TNPO1: variants seen among roughly 807,000 people sequenced by gnomAD.
TNPO1 encodes the protein transportin-1.
A neutral mutation model predicts 119.5 loss-of-function variants in TNPO1; 8 were observed. The ratio of observed to expected loss-of-function variants is 0.07; its 90% confidence interval spans 0.04 to 0.12. The LOEUF (loss-of-function observed/expected upper bound fraction) is 0.12, where lower values mean the gene tolerates loss of function less well. Ranked by LOEUF, TNPO1 falls within the 10% of genes least tolerant of loss-of-function variation. The pLI, the probability that TNPO1 is intolerant of heterozygous loss-of-function variation, is 1.00. For missense variants in TNPO1, 576 were observed against 1,089.8 expected (o/e 0.53, Z 6.64); for synonymous variants, 362 against 363.0 (o/e 1.00, Z 0.03).
At position 72,914,136 on chromosome 5, in the gene TNPO1, A is replaced by G. The variant is rs1050912846; in HGVS notation, c.*5463A>G. On this transcript the variant is annotated 3_prime_UTR_variant, in exon 25 of 25. Coordinates refer to ENST00000337273, the MANE Select transcript of TNPO1 (RefSeq NM_002270.4). Reference sequence around the variant, plus strand: ...AAACATATCCTCCTGCAACTTCTCAAACTGTACTAAATTGATATTTCTTGA... The same window carrying G: ...AAACATATCCTCCTGCAACTTCTCAGACTGTACTAAATTGATATTTCTTGA... The G allele has an allele frequency of 6.6e-6, 1 of 152,614 alleles. No individual in the cohort carries two copies. Among genetic ancestry groups the G allele is most frequent in the African/African-American group, 2.4e-5 (1 of 41,460 alleles). The allele number at this position is 152,614 out of a possible 1,614,324, so 9.5% of individuals were successfully genotyped here.
At chr5:72,832,370 CT>C (rs1046883014) in intron 1 of TNPO1, among the ~76,000 whole-genome samples, 6 of 152,112 alleles carry the variant, frequency 3.9e-5, no homozygotes, top group Non-Finnish European at 8.8e-5. Context: ...GTATTTCCTC[CT>C]GTGAATTTTC....
At chr5:72,855,678 C>A in intron 3 of TNPO1, 96 bp from the exon 4 acceptor site, 1 of 1,019,918 alleles carries the variant, frequency 9.8e-7, no homozygotes, top group Non-Finnish European at 1.4e-6. Flanking sequence ...GTTTGAATGT[C>A]AATCAACTTT....
At chr5:72,823,749 G>T (rs1333354098) in intron 1 of TNPO1, among the ~76,000 whole-genome samples, 1 of 151,606 alleles carries the variant, frequency 6.6e-6, no homozygotes, top group Admixed American at 6.6e-5. Context: ...AAACTCTGGG[G>T]TTTTTTTTGC....
chr5:72,886,342 T>C (rs760958118), intron 11 of TNPO1, among the ~76,000 whole-genome samples: 3 of 152,200 alleles, frequency 2.0e-5, no homozygotes, highest in Non-Finnish European at 4.4e-5. Flanking sequence ...ATTGTCTGTT[T>C]AATTCTAGAT....
At chr5:72,900,651 G>A (rs1749737289) in intron 21 of TNPO1, among the ~76,000 whole-genome samples, 1 of 152,104 alleles carries the variant, frequency 6.6e-6, no homozygotes, top group African/African-American at 2.4e-5. Context: ...CAAGTCATGA[G>A]TACAATTTTA....
Position 72,882,450 on chromosome 5 carries a change from A to C in TNPO1, c.921-17A>C, listed in dbSNP as rs770644703. ...GAGATCTTAAGGTCTTTGTTTCATG[A>C]ATTTCTTTCTTTATAGGTTGATTCC... On this transcript the variant is annotated splice_polypyrimidine_tract_variant and intron_variant, in intron 9 of 24. Coordinates refer to ENST00000337273, the MANE Select transcript of TNPO1 (RefSeq NM_002270.4). 2.5e-6 allele frequency: 4 copies of C among 1,594,898 alleles called. No individual in the cohort carries two copies. Among genetic ancestry groups the C allele is most frequent in the East Asian group, 2.2e-5 (1 of 44,552 alleles).
intron 12 of TNPO1, 46 bp from the exon 13 acceptor site, chr5:72,888,032 A>G: frequency 1.3e-6 from 2 of 1,564,444 alleles, no homozygotes; most frequent in East Asian, 4.5e-5. Context: ...AACCAAAATA[A>G]TGTTAACTAA....
rs868732993 is a variant in TNPO1, at chr5:72,909,152, A to G, written c.*479A>G. The G allele has an allele frequency of 1.4e-4, 21 of 151,742 alleles. No individual in the cohort carries two copies. Among genetic ancestry groups the G allele is most frequent in the Middle Eastern group, 6.7e-3 (2 of 300 alleles). 9.4% of individuals were successfully genotyped at this position (151,742 alleles called of 1,614,324 possible). The stretch of plus-strand genomic sequence containing the variant: ...TTTTTTTTTAATTTAAAGTTTTTTT[A>G]TGTAAGTTTTCCCACATGATGGGGC... On this transcript the variant is annotated 3_prime_UTR_variant, in exon 25 of 25. Transcript: ENST00000337273.
At chr5:72,851,154 A>G (rs1407323915) in intron 2 of TNPO1, 90 bp from the exon 3 acceptor site, 1 of 797,300 alleles carries the variant, frequency 1.3e-6, no homozygotes, top group African/African-American at 1.8e-5. Flanking sequence ...TGAAAATACC[A>G]CCAAAGAGAT....
chr5:72,900,485 GTA>G (rs924042233), intron 21 of TNPO1, among the ~76,000 whole-genome samples: 2 of 152,034 alleles, frequency 1.3e-5, no homozygotes, highest in African/African-American at 4.8e-5. Context: ...AATTTGTTAT[GTA>G]TAAAAATATT....
intron 6 of TNPO1, among the ~76,000 whole-genome samples, chr5:72,870,324 A>G (rs2112357098): frequency 6.8e-6 from 1 of 147,920 alleles, no homozygotes; most frequent in East Asian, 2.2e-4. Flanking sequence ...CATCACTCCC[A>G]GCTAATTTTT....
chr5:72,913,362 T>C lies in TNPO1; in HGVS notation c.*4689T>C, dbSNP rs1459413291. On this transcript the variant is annotated 3_prime_UTR_variant, in exon 25 of 25. Transcript: ENST00000337273. ...GTAGATAATTCTTTATGCCTAGTTATTATACATATTAATTTTTAAGGTATA... is the reference window on the plus strand; with the variant it reads ...GTAGATAATTCTTTATGCCTAGTTACTATACATATTAATTTTTAAGGTATA... The C allele has an allele frequency of 6.6e-6, 1 of 152,412 alleles. No homozygotes were observed. Among genetic ancestry groups the C allele is most frequent in the Non-Finnish European group, 1.5e-5 (1 of 67,932 alleles). 9.4% of individuals were successfully genotyped at this position (152,412 alleles called of 1,614,324 possible).
intron 1 of TNPO1, 83 bp from the exon 2 acceptor site, chr5:72,848,302 C>G: frequency 7.1e-7 from 1 of 1,405,288 alleles, no homozygotes; most frequent in Non-Finnish European, 9.4e-7. Context: ...GAGAACGGGT[C>G]AGCTGCGCGC....
At chr5:72,857,117 C>A (rs569886535) in intron 4 of TNPO1, among the ~76,000 whole-genome samples, 3 of 151,914 alleles carry the variant, frequency 2.0e-5, no homozygotes, top group Admixed American at 6.6e-5. Context: ...GTCAGGAGTT[C>A]GAGACCAGCC....
intron 9 of TNPO1, among the ~76,000 whole-genome samples, chr5:72,878,119 C>G (rs1348288067): frequency 6.6e-6 from 1 of 152,046 alleles, no homozygotes; most frequent in African/African-American, 2.4e-5. Flanking sequence ...ACCATATTTA[C>G]ATAAATGACG....
chr5:72,851,877 T>A (rs1388962435), intron 3 of TNPO1, among the ~76,000 whole-genome samples: 1 of 152,250 alleles, frequency 6.6e-6, no homozygotes, highest in Non-Finnish European at 1.5e-5. Flanking sequence ...TCTACTTTAA[T>A]GTTTTGCTTT....
rs1750737099 is a variant in TNPO1, at chr5:72,914,157, C to T, written c.*5484C>T. 6.6e-6 allele frequency: 1 copy of T among 152,570 alleles called. No homozygotes were observed. The highest frequency in any genetic ancestry group is 2.4e-5 in the African/African-American group (1 of 41,450). The allele number at this position is 152,570 out of a possible 1,614,324, so 9.5% of individuals were successfully genotyped here. The stretch of plus-strand genomic sequence containing the variant: ...CTCAAACTGTACTAAATTGATATTT[C>T]TTGAAGTCTAACTCTGTGCTAACAG... On this transcript the variant is annotated 3_prime_UTR_variant, in exon 25 of 25. Coordinates refer to ENST00000337273, the MANE Select transcript of TNPO1 (RefSeq NM_002270.4).
intron 6 of TNPO1, among the ~76,000 whole-genome samples, chr5:72,867,364 A>T (rs1746990110): frequency 7.1e-6 from 1 of 141,014 alleles, no homozygotes; most frequent in South Asian, 2.4e-4. Context: ...TTTAACTGAC[A>T]TTTACTATGT....
intron 1 of TNPO1, chr5:72,848,115 CGCG>C (rs1306455535): frequency 8.8e-7 from 1 of 1,142,650 alleles, no homozygotes; most frequent in Non-Finnish European, 1.1e-6. Context: ...ATTGCAAATT[CGCG>C]GTGACTCAGT....
Sources: allele counts gnomAD v4.1 joint callset (sites outside exome capture counted in the v4.1 genomes callset), GRCh38; gene constraint gnomAD v4.1.1; transcripts MANE v1.5; gene names NCBI Gene and HGNC (gene_info 2026-07-23, HGNC 2026-07-21).